Variants in GADL1 observed in about 807,000 individuals in gnomAD.
GADL1 encodes acidic amino acid decarboxylase GADL1.
A neutral mutation model predicts 69.5 loss-of-function variants in GADL1; 71 were observed. That is an observed-to-expected ratio of 1.02 (90% CI 0.84 to 1.25). The LOEUF is 1.25. Ranked by LOEUF, GADL1 falls within the 50% of genes most tolerant of loss-of-function variation. The pLI, the probability that GADL1 is intolerant of heterozygous loss-of-function variation, is 0.00. For synonymous variants in GADL1, 254 were observed against 214.4 expected (o/e 1.18, Z -1.62); for missense variants, 737 against 631.8 (o/e 1.17, Z -1.79).
At chr3:30,793,025 A>T (rs1010134988) in intron 12 of GADL1, among the ~76,000 whole-genome samples, 1 of 152,184 alleles carries the variant, frequency 6.6e-6, no homozygotes, top group African/African-American at 2.4e-5. Context: ...ATGCTTCTAT[A>T]TTACAGGCCC....
intron 14 of GADL1, among the ~76,000 whole-genome samples, chr3:30,753,113 T>A (rs932700717): frequency 2.0e-5 from 3 of 152,140 alleles, no homozygotes; most frequent in Non-Finnish European, 4.4e-5. Flanking sequence ...CTTTTTCTTA[T>A]GGGTGAGTCA....
chr3:30,832,729 T>C (rs1194432982), intron 11 of GADL1, among the ~76,000 whole-genome samples: 1 of 152,076 alleles, frequency 6.6e-6, no homozygotes, highest in African/African-American at 2.4e-5. Flanking sequence ...TCACAATCAA[T>C]ATGGTAATCT....
In GADL1 at chr3:30,768,035, A is replaced by AC. The variant is rs147317208; in HGVS notation, c.1392+10143dup. Among the ~76,000 whole-genome samples the AC allele has an allele frequency of 9.9e-3, 1,404 of 142,438 alleles. 35 individuals are homozygous for AC. The highest frequency in any genetic ancestry group is 0.024 in the East Asian group (113 of 4,796). 93.4% of individuals were successfully genotyped at this position (142,438 alleles called of 152,430 possible). ...TTTTACCTTCTAAATAACTCCCCATACCCCCCCCCCCCTTATCCTTATAAC... is the reference window on the plus strand; with the variant it reads ...TTTTACCTTCTAAATAACTCCCCATACCCCCCCCCCCCCTTATCCTTATAAC... On this transcript the variant is annotated intron_variant, in intron 14 of 14. Coordinates refer to ENST00000282538, the MANE Select transcript of GADL1 (RefSeq NM_207359.3).
intron 11 of GADL1, among the ~76,000 whole-genome samples, chr3:30,808,004 C>G (rs890226354): frequency 3.3e-5 from 5 of 152,088 alleles, no homozygotes; most frequent in Non-Finnish European, 5.9e-5. Context: ...TGCACTCCAG[C>G]CTGGGCAACA....
intron 14 of GADL1, among the ~76,000 whole-genome samples, chr3:30,763,860 T>C (rs1696201990): frequency 6.6e-6 from 1 of 152,090 alleles, no homozygotes; most frequent in Admixed American, 6.6e-5. Flanking sequence ...TGTGAAGATA[T>C]CAGAAAATAT....
At chr3:30,791,004 T>C (rs2125501945) in intron 12 of GADL1, among the ~76,000 whole-genome samples, 1 of 152,246 alleles carries the variant, frequency 6.6e-6, no homozygotes, top group East Asian at 1.9e-4. Flanking sequence ...TACACTTTTT[T>C]TTTTTAAATC....
chr3:30,868,688 C>T (rs924679343), intron 1 of GADL1, among the ~76,000 whole-genome samples: 1 of 151,868 alleles, frequency 6.6e-6, no homozygotes, highest in Admixed American at 6.6e-5. Context: ...TTGGCACTCA[C>T]GTTACACTGT....
At chr3:30,837,316 T>C (rs1049490567) in intron 9 of GADL1, among the ~76,000 whole-genome samples, 1 of 152,134 alleles carries the variant, frequency 6.6e-6, no homozygotes, top group African/African-American at 2.4e-5. Context: ...TAATATTTTA[T>C]TGATTTGACA....
Position 30,729,511 on chromosome 3 carries a change from C to T in GADL1, c.1393-1096G>A, listed in dbSNP as rs78015165. Among the ~76,000 whole-genome samples the T allele has an allele frequency of 8.0e-3, 1,222 of 152,260 alleles. 16 individuals carry two copies. Among genetic ancestry groups the T allele is most frequent in the African/African-American group, 0.027 (1,121 of 41,562 alleles). Reference sequence around the variant, plus strand: ...GAGTACATATAGAAAGAACACCAGGCAGAGTGTGCTTTTAAACTCCTTAGG... The same window carrying T: ...GAGTACATATAGAAAGAACACCAGGTAGAGTGTGCTTTTAAACTCCTTAGG... On this transcript the variant is annotated intron_variant, in intron 14 of 14. Coordinates refer to ENST00000282538, the MANE Select transcript of GADL1 (RefSeq NM_207359.3).
chr3:30,822,407 G>C (rs1243232797), intron 11 of GADL1, among the ~76,000 whole-genome samples: 1 of 151,996 alleles, frequency 6.6e-6, no homozygotes, highest in Non-Finnish European at 1.5e-5. Flanking sequence ...TGCTGAATTA[G>C]CTGCTTTCGT....
chr3:30,766,408 T>G (rs1431046082), intron 14 of GADL1, among the ~76,000 whole-genome samples: 1 of 152,112 alleles, frequency 6.6e-6, no homozygotes, highest in African/African-American at 2.4e-5. Context: ...ATCTTGAAAT[T>G]TTTAGTAGTT....
At chr3:30,860,595 G>A (rs534226993) in intron 2 of GADL1, among the ~76,000 whole-genome samples, 10 of 151,978 alleles carry the variant, frequency 6.6e-5, no homozygotes, top group East Asian at 5.8e-4. Flanking sequence ...CTAGTTTTCC[G>A]AAAGGCATGT....
intron 1 of GADL1, among the ~76,000 whole-genome samples, chr3:30,883,850 T>C (rs961667124): frequency 6.6e-6 from 1 of 152,038 alleles, no homozygotes; most frequent in Non-Finnish European, 1.5e-5. Flanking sequence ...GTATAAGTCT[T>C]TAATCTCCTT....
chr3:30,768,394 T>C (rs905889292), intron 14 of GADL1, among the ~76,000 whole-genome samples: 3 of 152,012 alleles, frequency 2.0e-5, no homozygotes, highest in Non-Finnish European at 4.4e-5. Flanking sequence ...AGGAGTTTGG[T>C]CCAAAGGGAT....
intron 1 of GADL1, among the ~76,000 whole-genome samples, chr3:30,863,670 T>A (rs1299635243): frequency 6.6e-6 from 1 of 151,934 alleles, no homozygotes; most frequent in Non-Finnish European, 1.5e-5. Context: ...TCACACAGTA[T>A]CTTCTATTTT....
At chr3:30,779,176 G>A (rs1450958396) in intron 13 of GADL1, 1 of 152,226 alleles carries the variant, frequency 6.6e-6, no homozygotes, top group Non-Finnish European at 1.5e-5. Flanking sequence ...GAAATGCGAT[G>A]ACTACTCAAT....
rs11430065 is a variant in GADL1, at chr3:30,842,964, G to GAA, written c.786+1244_786+1245dup. Among the ~76,000 whole-genome samples the GAA allele has an allele frequency of 3.0e-3, 448 of 147,040 alleles. 1 individual carries two copies. Among genetic ancestry groups the GAA allele is most frequent in the African/African-American group, 8.9e-3 (357 of 40,078 alleles). On this transcript the variant is annotated intron_variant, in intron 8 of 14. Transcript: ENST00000282538. The stretch of plus-strand genomic sequence containing the variant: ...GACTAGGTAGTTTTTATGAAAACTT[G>GAA]AAAAAAAAAAGTACAACAACAGAAC...
chr3:30,821,549 A>G (rs911626558), intron 11 of GADL1, among the ~76,000 whole-genome samples: 2 of 151,928 alleles, frequency 1.3e-5, no homozygotes, highest in Admixed American at 1.3e-4. Context: ...AAGAAGTTAA[A>G]AAGAATCTTT....
chr3:30,834,661 G>C (rs1184806799), intron 9 of GADL1, among the ~76,000 whole-genome samples: 1 of 152,074 alleles, frequency 6.6e-6, no homozygotes, highest in Non-Finnish European at 1.5e-5. Flanking sequence ...ATGGGCTAAG[G>C]ACTAGTATTT....
Sources: allele counts gnomAD v4.1 joint callset (sites outside exome capture counted in the v4.1 genomes callset), GRCh38; gene constraint gnomAD v4.1.1; transcripts MANE v1.5; gene names NCBI Gene and HGNC (gene_info 2026-07-23, HGNC 2026-07-21).